Variants in TMED10 observed in about 807,000 individuals in gnomAD.
The protein encoded by TMED10 is transmembrane p24 trafficking protein 10.
A neutral mutation model predicts 23.1 loss-of-function variants in TMED10; 7 were observed. The observed-to-expected ratio is 0.30, with a 90% CI of 0.17 to 0.57. The LOEUF is 0.57. Among genes scored for constraint, TMED10 ranks in the 20% least tolerant of loss-of-function variants. TMED10 has a pLI of 0.91. For synonymous variants in TMED10, 113 were observed against 106.9 expected, an observed-to-expected ratio of 1.06 and a Z score of -0.35; for missense variants, 162 against 274.8, an observed-to-expected ratio of 0.59 and a Z score of 2.90.
At chr14:75,158,833 A>C (rs1896052779) in intron 1 of TMED10, among the ~76,000 whole-genome samples, 1 of 152,150 alleles carries the variant, frequency 6.6e-6, no homozygotes, top group African/African-American at 2.4e-5. Context: ...CTGAGGCAGG[A>C]GAATCACTTG....
At chr14:75,163,622 A>ATAC (rs1320357057) in intron 1 of TMED10, among the ~76,000 whole-genome samples, 1 of 151,786 alleles carries the variant, frequency 6.6e-6, no homozygotes, top group African/African-American at 2.4e-5. Flanking sequence ...CTGAGAGACC[A>ATAC]TACAACATAG....
chr14:75,171,897 G>C (rs963806860), intron 1 of TMED10, among the ~76,000 whole-genome samples: 24 of 151,512 alleles, frequency 1.6e-4, no homozygotes, highest in African/African-American at 2.7e-4. Flanking sequence ...TGACACCCTC[G>C]ACAGAAAGAT....
intron 1 of TMED10, among the ~76,000 whole-genome samples, chr14:75,159,399 A>G (rs1705758268): frequency 6.6e-6 from 1 of 152,274 alleles, no homozygotes; most frequent in African/African-American, 2.4e-5. Context: ...AGGTGAAAGT[A>G]CTGAAAAGAG....
chr14:75,148,913 A>G (rs1166486679), intron 2 of TMED10, among the ~76,000 whole-genome samples: 1 of 152,182 alleles, frequency 6.6e-6, no homozygotes, highest in African/African-American at 2.4e-5. Flanking sequence ...TATTTATTTA[A>G]TTAAAAAAAA....
chr14:75,167,689 T>C (rs1896182103), intron 1 of TMED10, among the ~76,000 whole-genome samples: 1 of 152,134 alleles, frequency 6.6e-6, no homozygotes, highest in Admixed American at 6.6e-5. Context: ...AAATCATAAC[T>C]TGGTATAAGA....
At chr14:75,153,399 G>T (rs974499232) in intron 1 of TMED10, among the ~76,000 whole-genome samples, 1 of 152,072 alleles carries the variant, frequency 6.6e-6, no homozygotes, top group African/African-American at 2.4e-5. Context: ...GACTTAAGCT[G>T]CTCTATTACC....
At chr14:75,144,986 C>CT (rs1895865171) in intron 3 of TMED10, among the ~76,000 whole-genome samples, 1 of 152,210 alleles carries the variant, frequency 6.6e-6, no homozygotes, top group South Asian at 2.1e-4. Context: ...AAGCAAGGTT[C>CT]AAGGCAGCCT....
At chr14:75,143,554 CT>C (rs1895848398) in intron 3 of TMED10, among the ~76,000 whole-genome samples, 1 of 152,184 alleles carries the variant, frequency 6.6e-6, no homozygotes. Flanking sequence ...AAGTAGTTTG[CT>C]GCCTCCATGC....
chr14:75,143,047 C>T lies in TMED10; in HGVS notation c.411+4617G>A, dbSNP rs151055486. On this transcript the variant is annotated intron_variant, in intron 3 of 4. Transcript: ENST00000303575. The stretch of plus-strand genomic sequence containing the variant: ...CTAATTTTTGTATTTTTAGTAGAGA[C>T]AGGGTTTCACCATGTTGGCCAAGTT... Among the ~76,000 whole-genome samples, 602 of 152,120 alleles carry T rather than the reference C, an allele frequency of 4.0e-3. 4 individuals are homozygous for T. The highest frequency in any genetic ancestry group is 0.014 in the African/African-American group (580 of 41,484).
At chr14:75,146,830 TA>T (rs951554704) in intron 3 of TMED10, among the ~76,000 whole-genome samples, 2 of 152,278 alleles carry the variant, frequency 1.3e-5, no homozygotes, top group African/African-American at 4.8e-5. Context: ...TTATTTTAAC[TA>T]AAAACTATCT....
chr14:75,174,289 G>T (rs1896272291), intron 1 of TMED10, among the ~76,000 whole-genome samples: 1 of 152,298 alleles, frequency 6.6e-6, no homozygotes, highest in East Asian at 1.9e-4. Context: ...GCTCCATGTA[G>T]AATGCAAAGT....
chr14:75,166,939 CTTTTT>C (rs35308116), intron 1 of TMED10, among the ~76,000 whole-genome samples: 4 of 114,556 alleles, frequency 3.5e-5, no homozygotes, highest in African/African-American at 1.4e-4. Context: ...CATCCTATTC[CTTTTT>C]TTTTTTTTTT....
intron 1 of TMED10, among the ~76,000 whole-genome samples, chr14:75,170,043 C>T (rs1038573019): frequency 2.0e-5 from 3 of 151,352 alleles, no homozygotes; most frequent in Admixed American, 6.6e-5. Flanking sequence ...CTGGCTAACA[C>T]GGTGAAATAC....
chr14:75,135,596 TA>T, intron 4 of TMED10, 163 bp downstream of exon 4: 2 of 950,010 alleles, frequency 2.1e-6, no homozygotes, highest in Non-Finnish European at 3.0e-6. Context: ...CTTGAAAATC[TA>T]ACAAGGCTCA....
intron 3 of TMED10, among the ~76,000 whole-genome samples, chr14:75,141,083 T>C (rs175437): frequency 0.99 from 150,288 of 152,290 alleles, 74,181 homozygotes; most frequent in East Asian, 1. Flanking sequence ...TCACAGCTTA[T>C]ATAGTAAGTT....
chr14:75,170,085 G>A (rs890027003), intron 1 of TMED10, among the ~76,000 whole-genome samples: 1 of 152,054 alleles, frequency 6.6e-6, no homozygotes, highest in African/African-American at 2.4e-5. Context: ...AAATTAGCCG[G>A]GCGTGGTGGC....
intron 1 of TMED10, among the ~76,000 whole-genome samples, chr14:75,175,067 A>T (rs1342815049): frequency 6.8e-6 from 1 of 146,944 alleles, no homozygotes; most frequent in Non-Finnish European, 1.5e-5. Flanking sequence ...AAAAAAAAGT[A>T]AAAATGTTTC....
intron 2 of TMED10, 34 bp downstream of exon 2, chr14:75,151,998 T>G (rs780961354): frequency 2.6e-6 from 4 of 1,562,912 alleles, no homozygotes; most frequent in Non-Finnish European, 3.5e-6. Context: ...TTGGAGAAGA[T>G]TCTTAATCCA....
At chr14:75,141,885 T>G (rs1304352831) in intron 3 of TMED10, among the ~76,000 whole-genome samples, 5 of 152,238 alleles carry the variant, frequency 3.3e-5, no homozygotes, top group African/African-American at 9.6e-5. Context: ...AGTAAAATTT[T>G]AAAACAAATC....
Sources: allele counts gnomAD v4.1 joint callset (sites outside exome capture counted in the v4.1 genomes callset), GRCh38; gene constraint gnomAD v4.1.1; transcripts MANE v1.5; gene names NCBI Gene and HGNC (gene_info 2026-07-23, HGNC 2026-07-21).